Variants in ITPR1 observed in about 807,000 individuals in gnomAD.
ITPR1 encodes the protein inositol 1,4,5-trisphosphate receptor type 1.
Under a neutral mutation model 318.4 loss-of-function variants are expected in ITPR1, and 96 were observed. The observed-to-expected ratio is 0.30, with a 90% CI of 0.26 to 0.36. The LOEUF (loss-of-function observed/expected upper bound fraction) is 0.36. Among genes scored for constraint, ITPR1 ranks in the 10% least tolerant of loss-of-function variants. The pLI is 1.00. For missense variants in ITPR1, 2,440 were observed against 3,460.2 expected (o/e 0.71, Z 7.40); for synonymous variants, 1,312 against 1,289.9 (o/e 1.02, Z -0.37).
At chr3:4,645,778 G>GTA (rs746348385) in intron 10 of ITPR1, 50 bp downstream of exon 10, 4 of 1,412,848 alleles carry the variant, frequency 2.8e-6, no homozygotes, top group Non-Finnish European at 3.8e-6. Context: ...ATATCAGCCT[G>GTA]TATATAGGCT....
At chr3:4,598,119 A>G (rs73104430) in intron 4 of ITPR1, among the ~76,000 whole-genome samples, 2,544 of 152,256 alleles carry the variant, frequency 0.017, 64 homozygotes, top group African/African-American at 0.058. Flanking sequence ...CATGGCTAGA[A>G]CTTTAGTGCT....
intron 61 of ITPR1, among the ~76,000 whole-genome samples, chr3:4,845,302 C>G (rs9840922): frequency 0.9 from 136,879 of 152,250 alleles, 61,638 homozygotes; most frequent in South Asian, 0.94. Context: ...TGAATGCTCA[C>G]CCTAAAATCC....
chr3:4,767,942 C>T (rs2125375235), intron 45 of ITPR1, among the ~76,000 whole-genome samples: 1 of 152,282 alleles, frequency 6.6e-6, no homozygotes, highest in African/African-American at 2.4e-5. Context: ...TCATTACGGA[C>T]ATGCAGCTAG....
intron 2 of ITPR1, among the ~76,000 whole-genome samples, chr3:4,505,355 G>A (rs375369017): frequency 7.9e-4 from 120 of 152,234 alleles, no homozygotes; most frequent in African/African-American, 2.7e-3. Flanking sequence ...ACCACGCCTG[G>A]CTAATTTTTG....
intron 1 of ITPR1, among the ~76,000 whole-genome samples, chr3:4,494,132 G>T (rs376020671): frequency 2.0e-5 from 3 of 152,322 alleles, no homozygotes; most frequent in Non-Finnish European, 2.9e-5. Flanking sequence ...TGGCCTTCTC[G>T]CCGGGAAACA....
chr3:4,711,686 A>T lies in ITPR1; in HGVS notation c.4992-71A>T, dbSNP rs1388135385. The T allele has an allele frequency of 6.1e-6, 5 of 820,398 alleles. No individual in the cohort carries two copies. In the Admixed American group the frequency reaches 1.1e-4, roughly 18 times the overall value. 50.8% of individuals were successfully genotyped at this position (820,398 alleles called of 1,614,324 possible). A position where few individuals can be genotyped will look rare whatever the true frequency, so the allele number is the denominator to read the frequency against. ...GTTCATTAACGGACTAGTTAAAATA[A>T]ATTGCTTGTGAAGTCTTTTTAATTT... On this transcript the variant is annotated intron_variant, in intron 38 of 61. Coordinates refer to ENST00000649015, the MANE Select transcript of ITPR1 (RefSeq NM_001378452.1).
At chr3:4,639,302 G>A (rs1327935723) in intron 5 of ITPR1, 82 bp from the exon 6 acceptor site, 4 of 1,045,434 alleles carry the variant, frequency 3.8e-6, no homozygotes, top group Non-Finnish European at 5.8e-6. Flanking sequence ...TGTATGAACT[G>A]GCGACATTTG....
At chr3:4,565,449 C>T (rs4685765) in intron 4 of ITPR1, among the ~76,000 whole-genome samples, 117,892 of 152,150 alleles carry the variant, frequency 0.77, 45,869 homozygotes, top group Non-Finnish European at 0.81. Flanking sequence ...TTATGTAATA[C>T]GCAGCAGTAC....
At chr3:4,839,060 G>T (rs1216124146) in intron 61 of ITPR1, among the ~76,000 whole-genome samples, 1 of 152,258 alleles carries the variant, frequency 6.6e-6, no homozygotes, top group Non-Finnish European at 1.5e-5. Context: ...GGGCGTGGTG[G>T]CTCACGCCTG....
intron 60 of ITPR1, among the ~76,000 whole-genome samples, chr3:4,819,417 C>G (rs750300187): frequency 3.9e-5 from 6 of 152,332 alleles, no homozygotes; most frequent in South Asian, 2.1e-4. Context: ...TTTGACTCAG[C>G]AGTCACTTCC....
At chr3:4,753,859 A>G (rs980268325) in intron 44 of ITPR1, among the ~76,000 whole-genome samples, 5 of 152,114 alleles carry the variant, frequency 3.3e-5, no homozygotes, top group African/African-American at 1.2e-4. Flanking sequence ...ACTCCTTGCA[A>G]TAGAATCTCA....
chr3:4,824,655 A>C (rs1269944602), intron 60 of ITPR1, among the ~76,000 whole-genome samples: 1 of 152,170 alleles, frequency 6.6e-6, no homozygotes, highest in African/African-American at 2.4e-5. Context: ...GGCAAGATGC[A>C]GGAAAGGCCC....
chr3:4,762,515 G>C (rs11712551), intron 44 of ITPR1, among the ~76,000 whole-genome samples: 43,966 of 152,148 alleles, frequency 0.29, 7,089 homozygotes, highest in Non-Finnish European at 0.37. Flanking sequence ...TGTCCTAGCT[G>C]CTCACAGGAT....
At chr3:4,755,886 C>G (rs1198319244) in intron 44 of ITPR1, among the ~76,000 whole-genome samples, 4 of 152,212 alleles carry the variant, frequency 2.6e-5, no homozygotes, top group African/African-American at 9.6e-5. Flanking sequence ...CCAATACAGA[C>G]TTGCTTCACT....
At chr3:4,827,243 G>A (rs17786757) in intron 60 of ITPR1, among the ~76,000 whole-genome samples, 18,720 of 152,124 alleles carry the variant, frequency 0.12, 1,511 homozygotes, top group South Asian at 0.21. Context: ...ACTTCCAGAC[G>A]TCCTAACTAC....
chr3:4,692,077 C>G (rs916384965), intron 32 of ITPR1, among the ~76,000 whole-genome samples: 1 of 151,130 alleles, frequency 6.6e-6, no homozygotes, highest in Non-Finnish European at 1.5e-5. Context: ...GGATTTTGAC[C>G]TTGCAGTGAG....
intron 57 of ITPR1, 97 bp downstream of exon 57, chr3:4,813,331 C>G: frequency 1.2e-6 from 1 of 823,816 alleles, no homozygotes; most frequent in Non-Finnish European, 2.0e-6. Context: ...ATTTACTGCT[C>G]AGGAGTAAGG....
intron 4 of ITPR1, among the ~76,000 whole-genome samples, chr3:4,606,751 A>T (rs2091733521): frequency 6.6e-6 from 1 of 152,088 alleles, no homozygotes; most frequent in South Asian, 2.1e-4. Context: ...TCTGCTTAGG[A>T]ATAGGAGGAA....
intron 4 of ITPR1, among the ~76,000 whole-genome samples, chr3:4,622,251 A>T (rs2092666637): frequency 6.7e-6 from 1 of 150,234 alleles, no homozygotes; most frequent in Non-Finnish European, 1.5e-5. Flanking sequence ...AGTAGCTGGG[A>T]CTACAGGCGC....
Sources: gnomAD v4.1 joint callset for allele counts (sites outside exome capture counted in the v4.1 genomes callset) on GRCh38, gnomAD v4.1.1 for gene constraint, MANE v1.5 for transcripts, NCBI Gene and HGNC (gene_info 2026-07-23, HGNC 2026-07-21) for gene names.